Variants in NBEA observed in about 807,000 individuals in gnomAD.
NBEA encodes lysosomal-trafficking regulator 2.
NBEA carries 44 observed loss-of-function variants against 343.4 expected under a neutral mutation model. The ratio of observed to expected loss-of-function variants is 0.13; its 90% confidence interval spans 0.10 to 0.16. NBEA has a LOEUF of 0.16. Ranked by LOEUF, NBEA falls within the 10% of genes least tolerant of loss-of-function variation. The pLI, the probability that NBEA is intolerant of heterozygous loss-of-function variation, is 1.00. For missense variants in NBEA, 2,555 were observed against 3,631.3 expected, an observed-to-expected ratio of 0.70 and a Z score of 7.62; for synonymous variants, 1,175 against 1,238.7, an observed-to-expected ratio of 0.95 and a Z score of 1.08.
chr13:35,443,861 A>T (rs2045863913), intron 39 of NBEA, among the ~76,000 whole-genome samples: 1 of 151,948 alleles, frequency 6.6e-6, no homozygotes, highest in South Asian at 2.1e-4. Context: ...TTTTAAAAAA[A>T]TGCTATTTTA....
chr13:35,198,905 T>C (rs2072818319), intron 31 of NBEA, among the ~76,000 whole-genome samples: 1 of 152,052 alleles, frequency 6.6e-6, no homozygotes, highest in African/African-American at 2.4e-5. Context: ...GCAAAGAGTA[T>C]TATTTTTGAA....
chr13:35,611,586 C>T (rs1289919527), intron 48 of NBEA, among the ~76,000 whole-genome samples: 1 of 152,156 alleles, frequency 6.6e-6, no homozygotes, highest in African/African-American at 2.4e-5. Flanking sequence ...CCCTGCCCAC[C>T]TCCAGCCCAA....
intron 41 of NBEA, among the ~76,000 whole-genome samples, chr13:35,550,097 G>A (rs1183650329): frequency 6.6e-6 from 1 of 152,132 alleles, no homozygotes; most frequent in Non-Finnish European, 1.5e-5. Context: ...TTGACCATAT[G>A]GACACTTTGG....
chr13:35,142,219 G>T, intron 17 of NBEA, 50 bp from the exon 18 acceptor site: 2 of 1,157,436 alleles, frequency 1.7e-6, no homozygotes, highest in South Asian at 1.3e-5. Context: ...TCATGTGATC[G>T]GAGAATCCAA....
intron 34 of NBEA, among the ~76,000 whole-genome samples, chr13:35,263,812 T>G (rs2033427084): frequency 6.6e-6 from 1 of 151,908 alleles, no homozygotes; most frequent in Non-Finnish European, 1.5e-5. Flanking sequence ...AATAAATGCC[T>G]ACATCAAAAA....
chr13:35,581,244 T>G (rs1436308632), intron 45 of NBEA, among the ~76,000 whole-genome samples: 3 of 152,172 alleles, frequency 2.0e-5, no homozygotes, highest in Middle Eastern at 3.4e-3. Context: ...ACCAACAGTG[T>G]AAAAGTGTTC....
chr13:35,262,511 A>G (rs949464654), intron 34 of NBEA, among the ~76,000 whole-genome samples: 1 of 152,224 alleles, frequency 6.6e-6, no homozygotes, highest in African/African-American at 2.4e-5. Context: ...TATAAACCTG[A>G]CTATGTAGAT....
At chr13:35,670,012 T>C (rs947323637) in intron 58 of NBEA, among the ~76,000 whole-genome samples, 2 of 152,242 alleles carry the variant, frequency 1.3e-5, no homozygotes, top group Non-Finnish European at 2.9e-5. Flanking sequence ...ACTAAGTTTC[T>C]ATTTCTATTT....
At chr13:35,180,254 T>C (rs2071219492) in intron 28 of NBEA, among the ~76,000 whole-genome samples, 1 of 151,788 alleles carries the variant, frequency 6.6e-6, no homozygotes, top group South Asian at 2.1e-4. Context: ...GCTTTCAGTT[T>C]GGTTTGAAAG....
intron 33 of NBEA, among the ~76,000 whole-genome samples, chr13:35,213,430 G>A (rs908136872): frequency 1.3e-5 from 2 of 151,886 alleles, no homozygotes; most frequent in East Asian, 1.9e-4. Flanking sequence ...TATTCTTGAT[G>A]CTTTGCATTT....
At chr13:35,471,688 G>C (rs927667684) in intron 40 of NBEA, among the ~76,000 whole-genome samples, 2 of 152,200 alleles carry the variant, frequency 1.3e-5, no homozygotes, top group African/African-American at 4.8e-5. Flanking sequence ...AGTTTCAAAA[G>C]TTGAGAAGTA....
intron 1 of NBEA, among the ~76,000 whole-genome samples, chr13:34,963,528 A>C (rs1170132322): frequency 2.0e-5 from 3 of 152,024 alleles, no homozygotes; most frequent in Admixed American, 1.3e-4. Flanking sequence ...AGCCCATAAC[A>C]GCTGGTCTTA....
At chr13:35,274,452 A>G (rs568757754) in intron 34 of NBEA, among the ~76,000 whole-genome samples, 1 of 152,350 alleles carries the variant, frequency 6.6e-6, no homozygotes, top group South Asian at 2.1e-4. Context: ...GACAACTGGC[A>G]CAAGACAAGG....
At chr13:35,291,178 A>G (rs1253181883) in intron 35 of NBEA, among the ~76,000 whole-genome samples, 1 of 151,916 alleles carries the variant, frequency 6.6e-6, no homozygotes, top group East Asian at 1.9e-4. Context: ...TTTTAATATC[A>G]GAAGGAAAAA....
At chr13:35,426,446 T>G (rs2044678946) in intron 38 of NBEA, among the ~76,000 whole-genome samples, 1 of 152,192 alleles carries the variant, frequency 6.6e-6, no homozygotes, top group African/African-American at 2.4e-5. Flanking sequence ...GGTTGAAAAT[T>G]CTTTTCTTTA....
At chr13:35,275,544 A>G (rs1320614516) in intron 34 of NBEA, among the ~76,000 whole-genome samples, 3 of 152,226 alleles carry the variant, frequency 2.0e-5, no homozygotes, top group African/African-American at 7.2e-5. Flanking sequence ...CAGCAAAGGA[A>G]ACTATCATCA....
At chr13:35,207,914 G>A (rs187502015) in intron 31 of NBEA, among the ~76,000 whole-genome samples, 8 of 152,162 alleles carry the variant, frequency 5.3e-5, no homozygotes, top group African/African-American at 1.9e-4. Context: ...TTACTATGAA[G>A]AAGCTTTAGA....
intron 44 of NBEA, 64 bp downstream of exon 44, chr13:35,555,166 C>A: frequency 1.2e-6 from 1 of 860,206 alleles, no homozygotes; most frequent in Non-Finnish European, 1.8e-6. Flanking sequence ...GGTAATGTAG[C>A]CTGATATAAT....
chr13:35,501,126 C>G (rs560597602), intron 41 of NBEA, among the ~76,000 whole-genome samples: 313 of 152,142 alleles, frequency 2.1e-3, no homozygotes, highest in African/African-American at 7.4e-3. Context: ...TTCTTACCTC[C>G]TCAACCCATT....
Sources: allele counts gnomAD v4.1 joint callset (sites outside exome capture counted in the v4.1 genomes callset), GRCh38; gene constraint gnomAD v4.1.1; transcripts MANE v1.5; gene names NCBI Gene and HGNC (gene_info 2026-07-23, HGNC 2026-07-21).